The following TSHR variants were observed in gnomAD, a reference collection of about 807,000 sequenced individuals.
TSHR encodes thyroid stimulating hormone receptor.
TSHR carries 51 observed loss-of-function variants against 64.1 expected under a neutral mutation model. The ratio of observed to expected loss-of-function variants is 0.80; its 90% CI spans 0.64 to 1.01. The LOEUF is 1.01. Among genes scored for constraint, TSHR ranks in the 50% least tolerant of loss-of-function variants. The pLI is 0.00. For missense variants in TSHR, 877 were observed against 942.8 expected, an observed-to-expected ratio of 0.93 and a Z score of 0.91; for synonymous variants, 361 against 361.9, an observed-to-expected ratio of 1.00 and a Z score of 0.03.
At chr14:80,975,498 C>T (rs1018443793) in intron 1 of TSHR, among the ~76,000 whole-genome samples, 2 of 152,156 alleles carry the variant, frequency 1.3e-5, no homozygotes, top group East Asian at 1.9e-4. Flanking sequence ...CTCACATTTG[C>T]GTCCACCTAC....
intron 8 of TSHR, among the ~76,000 whole-genome samples, chr14:81,114,422 G>A (rs1001119721): frequency 2.2e-4 from 33 of 152,302 alleles, no homozygotes; most frequent in Non-Finnish European, 4.1e-4. Flanking sequence ...GGTGACAGAC[G>A]GCAACTGGAA....
chr14:80,993,342 T>C (rs1253886911), intron 1 of TSHR: 5 of 144,614 alleles, frequency 3.5e-5, no homozygotes, highest in African/African-American at 1.3e-4. Flanking sequence ...AGCATAGCTC[T>C]GGACACACAA....
intron 1 of TSHR, among the ~76,000 whole-genome samples, chr14:80,988,034 C>G (rs1888555172): frequency 6.6e-6 from 1 of 152,324 alleles, no homozygotes; most frequent in Admixed American, 6.5e-5. Context: ...CCTGAAAATT[C>G]TCACCTTTTA....
chr14:80,984,986 C>G (rs59711583), intron 1 of TSHR, among the ~76,000 whole-genome samples: 28,242 of 152,168 alleles, frequency 0.19, 3,224 homozygotes, highest in Admixed American at 0.28. Context: ...CGCGGTGGCT[C>G]AAGCCTGTAA....
At chr14:80,964,880 AACAGTTACT>A (rs1887217329) in intron 1 of TSHR, among the ~76,000 whole-genome samples, 2 of 152,238 alleles carry the variant, frequency 1.3e-5, no homozygotes, top group Non-Finnish European at 2.9e-5. Flanking sequence ...CTGTCATTTC[AACAGTTACT>A]ACTGTTACTA....
intron 1 of TSHR, chr14:80,982,813 C>T: frequency 1.9e-6 from 1 of 531,922 alleles, no homozygotes; most frequent in Non-Finnish European, 3.4e-6. Flanking sequence ...ATGCTCACAG[C>T]CCATCCCTGA....
At chr14:81,109,625 A>G (rs1175481952) in intron 8 of TSHR, among the ~76,000 whole-genome samples, 1 of 152,062 alleles carries the variant, frequency 6.6e-6, no homozygotes, top group Non-Finnish European at 1.5e-5. Context: ...CCTCCTAGAG[A>G]AGGGTGAGTG....
intron 1 of TSHR, among the ~76,000 whole-genome samples, chr14:81,036,804 C>T (rs757251087): frequency 2.6e-5 from 4 of 152,062 alleles, no homozygotes; most frequent in Admixed American, 6.6e-5. Context: ...TGTTAAAATA[C>T]GTACAGGATA....
intron 2 of TSHR, among the ~76,000 whole-genome samples, chr14:81,064,415 A>C (rs1454331627): frequency 6.6e-6 from 1 of 152,116 alleles, no homozygotes; most frequent in African/African-American, 2.4e-5. Context: ...TAGGAATTCA[A>C]TTTGGGGCAT....
chr14:80,979,263 GCATCATGCATATGTGGAGTCTAA>G (rs6145411), intron 1 of TSHR, among the ~76,000 whole-genome samples: 4 of 149,944 alleles, frequency 2.7e-5, no homozygotes, highest in Admixed American at 6.7e-5. Context: ...TCTCGTAGAA[GCATCATGCATATGTGGAGTCTAA>G]CATCATGCAT....
intron 1 of TSHR, among the ~76,000 whole-genome samples, chr14:81,011,319 G>A (rs1212729740): frequency 6.6e-6 from 1 of 151,944 alleles, no homozygotes; most frequent in African/African-American, 2.4e-5. Context: ...TTTAGGGACA[G>A]GGAAAATAGA....
At chr14:81,075,046 T>C (rs1032435623) in intron 3 of TSHR, among the ~76,000 whole-genome samples, 3 of 152,352 alleles carry the variant, frequency 2.0e-5, no homozygotes, top group Non-Finnish European at 4.4e-5. Context: ...CCTCTCTGTA[T>C]GCAGTGAACT....
intron 1 of TSHR, 49 bp downstream of exon 1, chr14:80,955,899 T>C: frequency 6.2e-7 from 1 of 1,612,966 alleles, no homozygotes; most frequent in South Asian, 1.1e-5. Context: ...CAAGGGCATC[T>C]GCAGAGGTGG....
At position 81,143,216 on chromosome 14, in the gene TSHR, C is replaced by T. The variant is rs1302205384; in HGVS notation, c.1158C>T (p.Asp386=). The T allele has an allele frequency of 6.2e-7, 1 of 1,614,186 alleles. No individual in the cohort carries two copies. The highest frequency in any genetic ancestry group is 1.7e-5 in the Admixed American group (1 of 60,028). Residue 386 remains aspartate, a synonymous_variant, in exon 10 of 10, where the codon GAC becomes GAT. Transcript: ENST00000298171. ...TACAAGCTTTTGACAGCCATTATGA[C>T]TACACCATATGTGGGGACAGTGAAG... is the stretch of plus-strand genomic sequence containing the variant. ...ETLQAFDSHY[D]YTICGDSEDM... is the part of the protein sequence containing the mutation.
At position 81,144,304 on chromosome 14, in the gene TSHR, C is replaced by G. The variant is rs1467036197; in HGVS notation, c.2246C>G (p.Pro749Arg). 6.2e-7 allele frequency: 1 copy of G among 1,614,164 alleles called. No homozygotes were observed. The highest frequency in any genetic ancestry group is 1.7e-5 in the Admixed American group (1 of 60,016). The change falls in exon 10 of 10, where the codon CCA becomes CGA. Residue 749 changes from proline (P) to arginine (R), a missense_variant. Transcript: ENST00000298171. Reference protein sequence around the residue: ...YELIENSHLTPKKQGQISEEY... With the variant: ...YELIENSHLTRKKQGQISEEY... The stretch of plus-strand genomic sequence containing the variant: ...CTGATTGAAAACTCCCATCTAACCC[C>G]AAAGAAGCAAGGCCAAATCTCAGAA...
chr14:80,984,752 A>G (rs931959420), intron 1 of TSHR, among the ~76,000 whole-genome samples: 2 of 152,200 alleles, frequency 1.3e-5, no homozygotes, highest in African/African-American at 4.8e-5. Context: ...GAAAAGTCTG[A>G]GATGAGTAGA....
intron 8 of TSHR, among the ~76,000 whole-genome samples, chr14:81,119,533 G>A (rs1334083553): frequency 7.7e-6 from 1 of 130,538 alleles, no homozygotes; most frequent in African/African-American, 3.2e-5. Context: ...GAAACAACAG[G>A]TGCTGGAGAG....
Position 81,144,092 on chromosome 14 carries a change from T to C in TSHR, c.2034T>C (p.Tyr678=), listed in dbSNP as rs370709283. ...ACTCCTGTGCCAATCCATTCCTCTA[T>C]GCTATTTTCACCAAGGCCTTCCAGA... ...PLNSCANPFL[Y]AIFTKAFQRD... is the part of the protein sequence containing the mutation. Residue 678 remains tyrosine, a synonymous_variant, in exon 10 of 10, where the codon TAT becomes TAC. Coordinates refer to ENST00000298171, the MANE Select transcript of TSHR (RefSeq NM_000369.5). The C allele has an allele frequency of 1.6e-4, 263 of 1,614,072 alleles. No individual in the cohort carries two copies. Among genetic ancestry groups the C allele is most frequent in the Non-Finnish European group, 2.1e-4 (243 of 1,180,052 alleles).
intron 7 of TSHR, among the ~76,000 whole-genome samples, chr14:81,097,565 G>A (rs1202136546): frequency 6.6e-6 from 1 of 152,134 alleles, no homozygotes; most frequent in Admixed American, 6.6e-5. Flanking sequence ...CGACACTGCT[G>A]TTCATAGACC....
Sources: allele counts gnomAD v4.1 joint callset (sites outside exome capture counted in the v4.1 genomes callset), GRCh38; gene constraint gnomAD v4.1.1; transcripts MANE v1.5; gene names NCBI Gene and HGNC (gene_info 2026-07-23, HGNC 2026-07-21).